The following RGS6 variants were observed in gnomAD, a reference collection of about 807,000 sequenced individuals.
RGS6 encodes regulator of G protein signaling 6, also known as regulator of G-protein signaling 6.
A neutral mutation model predicts 78.5 loss-of-function variants in RGS6; 30 were observed. That is an observed-to-expected ratio of 0.38 (90% confidence interval 0.29 to 0.52). The LOEUF (loss-of-function observed/expected upper bound fraction) is 0.52, where lower values mean the gene tolerates loss of function less well. Among genes scored for constraint, RGS6 ranks in the 20% least tolerant of loss-of-function variants. The pLI is 0.85. For missense variants in RGS6, 495 were observed against 609.7 expected (o/e 0.81, Z 1.98); for synonymous variants, 206 against 206.0 (o/e 1.00, Z 0.00).
intron 2 of RGS6, among the ~76,000 whole-genome samples, chr14:72,323,824 A>C (rs2072877826): frequency 6.8e-6 from 1 of 146,356 alleles, no homozygotes; most frequent in Admixed American, 6.8e-5. Flanking sequence ...AAAAAAAAAA[A>C]AAAAAAAAAA....
intron 2 of RGS6, among the ~76,000 whole-genome samples, chr14:72,272,816 A>T (rs1355323856): frequency 1.3e-5 from 2 of 152,200 alleles, no homozygotes; most frequent in African/African-American, 4.8e-5. Context: ...TATCAGCTTT[A>T]AGAGAATCGA....
At chr14:71,881,799 C>T in the RGS6 span, among the ~76,000 whole-genome samples, 1 of 152,142 alleles carries the variant, frequency 6.6e-6, no homozygotes. Flanking sequence ...TCATAAATTC[C>T]CCAAACTAAA....
intron 2 of RGS6, among the ~76,000 whole-genome samples, chr14:72,328,375 C>T (rs747202236): frequency 7.2e-5 from 11 of 152,158 alleles, no homozygotes; most frequent in Non-Finnish European, 1.2e-4. Flanking sequence ...TCTAGAAAAG[C>T]ACCCAGTACA....
At chr14:72,084,465 T>C (rs1040697054) in intron 2 of RGS6, among the ~76,000 whole-genome samples, 18 of 152,316 alleles carry the variant, frequency 1.2e-4, no homozygotes, top group Non-Finnish European at 2.4e-4. Context: ...CCTAGCTCCA[T>C]TGCTCAACTT....
intron 15 of RGS6, among the ~76,000 whole-genome samples, chr14:72,534,045 A>G (rs1197538798): frequency 6.6e-6 from 1 of 152,254 alleles, no homozygotes; most frequent in African/African-American, 2.4e-5. Flanking sequence ...CACATGCTAC[A>G]GAGAAATCTG....
intron 2 of RGS6, among the ~76,000 whole-genome samples, chr14:72,312,331 T>C (rs1595666763): frequency 6.6e-6 from 1 of 151,786 alleles, no homozygotes; most frequent in East Asian, 1.9e-4. Context: ...GAAATTCTCA[T>C]GCAGTTCTAT....
Position 72,195,013 on chromosome 14 carries a change from GC to G in RGS6, c.85-157080del, listed in dbSNP as rs150042501. Among the ~76,000 whole-genome samples, 1,498 of 152,262 alleles carry G rather than the reference GC, an allele frequency of 9.8e-3. 21 individuals are homozygous for G. The highest frequency in any genetic ancestry group is 0.034 in the African/African-American group (1,409 of 41,544). Reference sequence around the variant, plus strand: ...GCTTGAGGTCAGGAGTTCAAGACCAGCCTGGCCAACATAGCGAAACCCCGTG... The same window carrying G: ...GCTTGAGGTCAGGAGTTCAAGACCAGCTGGCCAACATAGCGAAACCCCGTG... On this transcript the variant is annotated intron_variant, in intron 2 of 17. Coordinates refer to ENST00000553525, the MANE Select transcript of RGS6 (RefSeq NM_001204424.2).
At chr14:72,392,746 C>A (rs934170137) in intron 3 of RGS6, among the ~76,000 whole-genome samples, 4 of 152,176 alleles carry the variant, frequency 2.6e-5, no homozygotes, top group Non-Finnish European at 5.9e-5. Context: ...GCAAGCCACC[C>A]AGTCTACAAT....
chr14:72,570,611 A>T (rs1236695512), downstream of RGS6, among the ~76,000 whole-genome samples: 1 of 152,258 alleles, frequency 6.6e-6, no homozygotes, highest in Non-Finnish European at 1.5e-5. Flanking sequence ...GAGTTCTCCC[A>T]TGCCTTCTCC....
At chr14:71,990,099 A>C (rs1442156513) in intron 2 of RGS6, among the ~76,000 whole-genome samples, 2 of 152,174 alleles carry the variant, frequency 1.3e-5, no homozygotes, top group Non-Finnish European at 1.5e-5. Context: ...CCATACCCAA[A>C]GGGCATCCTG....
intron 2 of RGS6, among the ~76,000 whole-genome samples, chr14:72,332,895 C>G (rs1041773377): frequency 1.9e-4 from 29 of 152,170 alleles, no homozygotes; most frequent in African/African-American, 6.8e-4. Flanking sequence ...ATTTTAGAAG[C>G]CACTGGAATC....
chr14:72,034,231 G>A (rs553632005), intron 2 of RGS6, among the ~76,000 whole-genome samples: 133 of 152,182 alleles, frequency 8.7e-4, no homozygotes, highest in African/African-American at 2.9e-3. Context: ...GCAGGAGTGG[G>A]CCTCTGTCTT....
chr14:72,282,114 GA>G, intron 2 of RGS6, among the ~76,000 whole-genome samples: 1 of 152,276 alleles, frequency 6.6e-6, no homozygotes, highest in Non-Finnish European at 1.5e-5. Flanking sequence ...GAATAATGGG[GA>G]ACTTCTGGAA....
Position 72,459,701 on chromosome 14 carries a change from T to G in RGS6, c.394+18T>G. 1 of 1,613,682 alleles carries G rather than the reference T, an allele frequency of 6.2e-7. No individual in the cohort carries two copies. Among genetic ancestry groups the G allele is most frequent in the Non-Finnish European group, 8.5e-7 (1 of 1,179,592 alleles). ...TGACTATGGTGAGAACTGAAGCCAC[T>G]GGGAACTCTCAACTTCAACACTGTG... On this transcript the variant is annotated intron_variant, in intron 6 of 17. Coordinates refer to ENST00000553525, the MANE Select transcript of RGS6 (RefSeq NM_001204424.2).
At chr14:72,610,931 G>A in the RGS6 span, among the ~76,000 whole-genome samples, 1 of 152,204 alleles carries the variant, frequency 6.6e-6, no homozygotes, top group African/African-American at 2.4e-5. Context: ...AAAGAACGTT[G>A]CCCACAGGCT....
intron 3 of RGS6, among the ~76,000 whole-genome samples, chr14:72,441,267 G>A (rs1285875873): frequency 6.6e-6 from 1 of 152,192 alleles, no homozygotes; most frequent in Non-Finnish European, 1.5e-5. Flanking sequence ...CCTCCCTTCA[G>A]TGTCCCTTCC....
chr14:71,964,775 G>A lies in RGS6; in HGVS notation c.-17G>A. 1 of 1,602,930 alleles carries A rather than the reference G, an allele frequency of 6.2e-7. No homozygotes were observed. The highest frequency in any genetic ancestry group is 8.5e-7 in the Non-Finnish European group (1 of 1,173,540). On this transcript the variant is annotated 5_prime_UTR_variant, in exon 2 of 18. Transcript: ENST00000553525. Reference sequence around the variant, plus strand: ...GTTTATTCATTTATTTTTGCAGTGTGAGTGAAGACACTCAGGATGGCTCAA... The same window carrying A: ...GTTTATTCATTTATTTTTGCAGTGTAAGTGAAGACACTCAGGATGGCTCAA...
chr14:72,476,360 G>A (rs972780681), intron 10 of RGS6, among the ~76,000 whole-genome samples: 1 of 152,184 alleles, frequency 6.6e-6, no homozygotes, highest in Non-Finnish European at 1.5e-5. Flanking sequence ...TGATAAAAGT[G>A]CAGATTTCCA....
chr14:72,452,844 C>A (rs1200340675), intron 3 of RGS6, among the ~76,000 whole-genome samples: 1 of 152,250 alleles, frequency 6.6e-6, no homozygotes, highest in Non-Finnish European at 1.5e-5. Context: ...GAAAACTGAA[C>A]TCCTCTACTG....
Sources: allele counts gnomAD v4.1 joint callset (sites outside exome capture counted in the v4.1 genomes callset), GRCh38; gene constraint gnomAD v4.1.1; transcripts MANE v1.5; gene names NCBI Gene and HGNC (gene_info 2026-07-23, HGNC 2026-07-21).